PIGK: variants seen among roughly 807,000 people sequenced by gnomAD.
The protein encoded by PIGK is phosphatidylinositol glycan anchor biosynthesis class K, also known as GPI-anchor transamidase.
Under a neutral mutation model 50.6 loss-of-function variants are expected in PIGK, and 42 were observed. The observed-to-expected ratio is 0.83, with a 90% CI of 0.65 to 1.07. The LOEUF is 1.07. PIGK is among the 50% of genes least tolerant of loss of function. The pLI is 0.00. For missense variants in PIGK, 448 were observed against 488.7 expected (o/e 0.92, Z 0.78); for synonymous variants, 151 against 156.0 (o/e 0.97, Z 0.24).
chr1:77,148,589 G>A (rs574596121), intron 9 of PIGK, among the ~76,000 whole-genome samples: 7 of 152,070 alleles, frequency 4.6e-5, no homozygotes, highest in African/African-American at 1.4e-4. Flanking sequence ...TAAAAAAAAC[G>A]CAAATTGTGA....
At chr1:77,197,121 A>C (rs1425231175) in intron 3 of PIGK, among the ~76,000 whole-genome samples, 1 of 152,202 alleles carries the variant, frequency 6.6e-6, no homozygotes, top group Admixed American at 6.5e-5. Flanking sequence ...TAATTAGAAA[A>C]CATGATAGGC....
At chr1:77,188,571 C>A (rs1399382489) in intron 3 of PIGK, among the ~76,000 whole-genome samples, 2 of 151,794 alleles carry the variant, frequency 1.3e-5, no homozygotes, top group African/African-American at 2.4e-5. Context: ...TGATCTCGCC[C>A]TGCCTCCACT....
rs549635065 is a variant in PIGK at position 77,111,041 on chromosome 1, T to C, written c.1071+11234A>G. On this transcript the variant is annotated intron_variant, in intron 10 of 10. Transcript: ENST00000370812. ...TCACTGGCCATCAGAGAAATGCAAA[T>C]CAAAACCACAATGAGATACCATCTC... Among the ~76,000 whole-genome samples the C allele has an allele frequency of 9.2e-5, 14 of 152,066 alleles. No individual in the cohort carries two copies. The East Asian group carries it at 2.1e-3, about 23-fold the overall frequency.
chr1:77,128,427 C>T (rs1008514505), intron 9 of PIGK, among the ~76,000 whole-genome samples: 1 of 152,144 alleles, frequency 6.6e-6, no homozygotes, highest in Admixed American at 6.6e-5. Context: ...ATAAGAAGAC[C>T]TGCCAAGCAA....
chr1:77,136,181 C>T (rs1654508983), intron 9 of PIGK, among the ~76,000 whole-genome samples: 1 of 152,144 alleles, frequency 6.6e-6, no homozygotes, highest in African/African-American at 2.4e-5. Context: ...AATTTTCTCT[C>T]AGTACTTTAT....
chr1:77,159,357 C>G (rs1655083780), intron 8 of PIGK, among the ~76,000 whole-genome samples: 1 of 152,186 alleles, frequency 6.6e-6, no homozygotes, highest in Non-Finnish European at 1.5e-5. Flanking sequence ...CATGGAGAAC[C>G]TCTGCTAGGG....
At chr1:77,133,862 TTTTTGGACTA>T (rs1472401736) in intron 9 of PIGK, among the ~76,000 whole-genome samples, 1 of 152,190 alleles carries the variant, frequency 6.6e-6, no homozygotes, top group East Asian at 1.9e-4. Flanking sequence ...CTGACTTACA[TTTTTGGACTA>T]TTGTCCTGCA....
chr1:77,106,135 G>A (rs1502529), intron 10 of PIGK, among the ~76,000 whole-genome samples: 17,214 of 152,214 alleles, frequency 0.11, 1,324 homozygotes, highest in African/African-American at 0.21. Flanking sequence ...TGGGCAAACA[G>A]TTAATGGGAC....
intron 3 of PIGK, among the ~76,000 whole-genome samples, chr1:77,205,099 A>G (rs1051723073): frequency 6.6e-6 from 1 of 152,184 alleles, no homozygotes; most frequent in African/African-American, 2.4e-5. Context: ...CTATTCCTAA[A>G]AACTCCTTCC....
chr1:77,199,031 T>C (rs1400979002), intron 3 of PIGK, among the ~76,000 whole-genome samples: 1 of 152,068 alleles, frequency 6.6e-6, no homozygotes, highest in Non-Finnish European at 1.5e-5. Context: ...CTCTTCAGTA[T>C]CAAAATCTTC....
chr1:77,138,312 A>C (rs1203446623), intron 9 of PIGK, among the ~76,000 whole-genome samples: 1 of 152,242 alleles, frequency 6.6e-6, no homozygotes, highest in East Asian at 1.9e-4. Context: ...GAGAGACTCT[A>C]CTGCAGGCTT....
At chr1:77,180,025 A>C (rs1655575804) in intron 3 of PIGK, among the ~76,000 whole-genome samples, 1 of 151,966 alleles carries the variant, frequency 6.6e-6, no homozygotes, top group African/African-American at 2.4e-5. Flanking sequence ...TGAAATCAAG[A>C]CTCAAAAAAA....
At chr1:77,217,835 C>T (rs993228946) in intron 1 of PIGK, among the ~76,000 whole-genome samples, 2 of 151,978 alleles carry the variant, frequency 1.3e-5, no homozygotes, top group Non-Finnish European at 1.5e-5. Context: ...TGTATCTTAG[C>T]ACATGAACAG....
intron 10 of PIGK, among the ~76,000 whole-genome samples, chr1:77,106,201 C>G (rs1031760827): frequency 1.3e-5 from 2 of 152,084 alleles, no homozygotes; most frequent in African/African-American, 2.4e-5. Flanking sequence ...AAAGGTAATT[C>G]CAACTCCTTG....
chr1:77,198,017 GA>G (rs1384480268), intron 3 of PIGK, among the ~76,000 whole-genome samples: 2 of 152,008 alleles, frequency 1.3e-5, no homozygotes, highest in South Asian at 2.1e-4. Flanking sequence ...TCCTCAAATG[GA>G]AATAAATAGC....
intron 9 of PIGK, among the ~76,000 whole-genome samples, chr1:77,123,128 A>G (rs1654142001): frequency 6.6e-6 from 1 of 152,190 alleles, no homozygotes; most frequent in Non-Finnish European, 1.5e-5. Flanking sequence ...GACAATATGA[A>G]ACAGTAAATT....
chr1:77,175,981 A>G (rs1438148439), intron 3 of PIGK, among the ~76,000 whole-genome samples: 1 of 152,128 alleles, frequency 6.6e-6, no homozygotes, highest in African/African-American at 2.4e-5. Flanking sequence ...CCTGAACAAG[A>G]TTTTCATGTA....
At chr1:77,115,666 A>C (rs1653944799) in intron 10 of PIGK, among the ~76,000 whole-genome samples, 1 of 152,342 alleles carries the variant, frequency 6.6e-6, no homozygotes, top group East Asian at 1.9e-4. Flanking sequence ...AAAAAGGAGT[A>C]ACAAAGAACA....
At chr1:77,185,663 G>T (rs748181744) in intron 3 of PIGK, among the ~76,000 whole-genome samples, 5 of 152,196 alleles carry the variant, frequency 3.3e-5, no homozygotes, top group Non-Finnish European at 7.3e-5. Flanking sequence ...AGTTTTGAGT[G>T]GGGTCCAGAA....
Sources: allele counts gnomAD v4.1 joint callset (sites outside exome capture counted in the v4.1 genomes callset), GRCh38; gene constraint gnomAD v4.1.1; transcripts MANE v1.5; gene names NCBI Gene and HGNC (gene_info 2026-07-23, HGNC 2026-07-21).